Variants in SIK3 observed in about 807,000 individuals in gnomAD.
The protein encoded by SIK3 is serine/threonine-protein kinase SIK3.
A neutral mutation model predicts 144.2 loss-of-function variants in SIK3; 28 were observed. That is an observed-to-expected ratio of 0.19 (90% CI 0.14 to 0.27). The LOEUF is 0.27. Among genes scored for constraint, SIK3 ranks in the 10% least tolerant of loss-of-function variants. The pLI, the probability that SIK3 is intolerant of heterozygous loss-of-function variation, is 1.00. For synonymous variants in SIK3, 686 were observed against 676.3 expected (o/e 1.01, Z -0.22); for missense variants, 1,319 against 1,776.0 (o/e 0.74, Z 4.62).
At chr11:116,974,612 T>C (rs1949884194) in intron 1 of SIK3, among the ~76,000 whole-genome samples, 1 of 152,182 alleles carries the variant, frequency 6.6e-6, no homozygotes, top group African/African-American at 2.4e-5. Context: ...TTGCCCAGGC[T>C]GGACTCAAAC....
At chr11:116,933,288 G>T (rs1315888605) in intron 3 of SIK3, among the ~76,000 whole-genome samples, 1 of 152,088 alleles carries the variant, frequency 6.6e-6, no homozygotes, top group East Asian at 1.9e-4. Context: ...CTACAGGCGT[G>T]CGCCACCACA....
At chr11:117,061,270 A>AT (rs1953780693) in intron 1 of SIK3, among the ~76,000 whole-genome samples, 1 of 152,094 alleles carries the variant, frequency 6.6e-6, no homozygotes, top group South Asian at 2.1e-4. Flanking sequence ...AAGCCTATTC[A>AT]TTAAAAAAAA....
At chr11:116,902,845 C>G (rs888623490) in intron 4 of SIK3, among the ~76,000 whole-genome samples, 2 of 152,182 alleles carry the variant, frequency 1.3e-5, no homozygotes, top group East Asian at 3.8e-4. Context: ...AATTACTGAG[C>G]CTGCGGTATC....
chr11:116,915,188 C>CG (rs1391720474), intron 4 of SIK3, among the ~76,000 whole-genome samples: 3 of 125,708 alleles, frequency 2.4e-5, no homozygotes, highest in South Asian at 2.5e-4. Flanking sequence ...TTTGATGGGG[C>CG]GGGGGGGCAG....
intron 1 of SIK3, among the ~76,000 whole-genome samples, chr11:116,980,843 C>T (rs1950115371): frequency 6.6e-6 from 1 of 151,548 alleles, no homozygotes; most frequent in Non-Finnish European, 1.5e-5. Flanking sequence ...AGAGCAAGAC[C>T]CTGTCTCGAA....
intron 3 of SIK3, among the ~76,000 whole-genome samples, chr11:116,940,937 A>T (rs1040162781): frequency 6.6e-6 from 1 of 152,218 alleles, no homozygotes; most frequent in African/African-American, 2.4e-5. Flanking sequence ...ACTAAAGTTC[A>T]GTAGCATGGT....
chr11:116,934,169 C>T (rs1947777533), intron 3 of SIK3, among the ~76,000 whole-genome samples: 1 of 152,192 alleles, frequency 6.6e-6, no homozygotes, highest in South Asian at 2.1e-4. Context: ...GTCTTCTCCA[C>T]TAGAAAACAA....
chr11:116,951,688 A>G (rs1948943815), intron 3 of SIK3, among the ~76,000 whole-genome samples: 1 of 152,250 alleles, frequency 6.6e-6, no homozygotes, highest in African/African-American at 2.4e-5. Flanking sequence ...TAATCCCAAC[A>G]CTTTGGGAGG....
At chr11:117,039,032 GGAGT>G (rs1334723317) in intron 1 of SIK3, among the ~76,000 whole-genome samples, 1 of 151,766 alleles carries the variant, frequency 6.6e-6, no homozygotes, top group African/African-American at 2.4e-5. Context: ...CCTGGGCGAC[GGAGT>G]GAGACTCCAT....
chr11:117,087,281 A>G (rs1210065147), intron 1 of SIK3, among the ~76,000 whole-genome samples: 1 of 151,956 alleles, frequency 6.6e-6, no homozygotes, highest in Non-Finnish European at 1.5e-5. Context: ...CATCTCTACT[A>G]AAAATACAAA....
intron 4 of SIK3, among the ~76,000 whole-genome samples, chr11:116,900,924 G>T (rs905685468): frequency 3.3e-5 from 5 of 151,694 alleles, no homozygotes; most frequent in Non-Finnish European, 7.4e-5. Context: ...GAGTGCAGTG[G>T]TGCGATCTTG....
intron 1 of SIK3, among the ~76,000 whole-genome samples, chr11:117,095,580 A>C (rs1282122948): frequency 6.6e-6 from 1 of 152,202 alleles, no homozygotes; most frequent in African/African-American, 2.4e-5. Flanking sequence ...TAACCAAACC[A>C]TAACCTTAAT....
intron 4 of SIK3, among the ~76,000 whole-genome samples, chr11:116,908,020 G>T (rs1397557500): frequency 6.7e-6 from 1 of 149,598 alleles, no homozygotes; most frequent in East Asian, 1.9e-4. Context: ...TATCTTTACG[G>T]CCTCAGGGGA....
Position 117,049,090 on chromosome 11 carries a change from G to C in SIK3, c.273+49053C>G, listed in dbSNP as rs189748581. On this transcript the variant is annotated intron_variant, in intron 1 of 24. Transcript: ENST00000445177. ...CACTCCAACCTGGGTTGTCACTGGA[G>C]TGAGACTCCATCTCAAAAAATTTTT... Among the ~76,000 whole-genome samples the C allele has an allele frequency of 1.6e-3, 240 of 152,252 alleles. 1 individual carries two copies. Among genetic ancestry groups the C allele is most frequent in the African/African-American group, 5.4e-3 (225 of 41,536 alleles).
intron 4 of SIK3, among the ~76,000 whole-genome samples, chr11:116,917,738 A>G (rs941877512): frequency 3.1e-5 from 4 of 128,990 alleles, no homozygotes; most frequent in African/African-American, 1.2e-4. Context: ...AGGGAAAGAG[A>G]GAGAGAGAGA....
intron 1 of SIK3, among the ~76,000 whole-genome samples, chr11:117,032,298 C>T (rs767146009): frequency 1.3e-5 from 2 of 152,154 alleles, no homozygotes; most frequent in Non-Finnish European, 2.9e-5. Context: ...CAATCATGAA[C>T]ACAGTATCTC....
intron 1 of SIK3, among the ~76,000 whole-genome samples, chr11:117,050,780 T>C (rs193126042): frequency 6.6e-6 from 1 of 152,186 alleles, no homozygotes; most frequent in Admixed American, 6.5e-5. Context: ...TTTCAAAAGG[T>C]AAAATGTTCT....
At chr11:116,960,300 C>T (rs11216199) in intron 1 of SIK3, among the ~76,000 whole-genome samples, 11,194 of 151,988 alleles carry the variant, frequency 0.074, 497 homozygotes, top group African/African-American at 0.11. Context: ...TAAAGGCAGG[C>T]GGATGGCTTG....
At chr11:116,943,224 T>C (rs144848827) in intron 3 of SIK3, among the ~76,000 whole-genome samples, 1,635 of 151,982 alleles carry the variant, frequency 0.011, 29 homozygotes, top group Middle Eastern at 0.027. Flanking sequence ...GAGAGGTATG[T>C]TCAAAGTGAA....
Sources: gnomAD v4.1 joint callset for allele counts (sites outside exome capture counted in the v4.1 genomes callset) on GRCh38, gnomAD v4.1.1 for gene constraint, MANE v1.5 for transcripts, NCBI Gene and HGNC (gene_info 2026-07-23, HGNC 2026-07-21) for gene names.